The following AGO3 variants were observed in gnomAD, a reference collection of about 807,000 sequenced individuals.
AGO3 encodes the protein argonaute RISC catalytic component 3.
In AGO3, 16 loss-of-function variants were observed where a neutral mutation model predicts 105.5. The ratio of observed to expected loss-of-function variants is 0.15; its 90% CI spans 0.10 to 0.23. The LOEUF is 0.23. AGO3 is among the 10% of genes least tolerant of loss of function. The pLI is 1.00. For synonymous variants in AGO3, 340 were observed against 367.3 expected (o/e 0.93, Z 0.85); for missense variants, 534 against 1,088.0 (o/e 0.49, Z 7.16).
chr1:35,989,126 G>A (rs566233264), intron 5 of AGO3, among the ~76,000 whole-genome samples: 4 of 152,272 alleles, frequency 2.6e-5, no homozygotes, highest in South Asian at 4.1e-4. Context: ...TAAAAGGGAG[G>A]GATCCATTGT....
Position 35,991,696 on chromosome 1 carries a change from T to A in AGO3, c.659-12645T>A, listed in dbSNP as rs557392057. Among the ~76,000 whole-genome samples the A allele has an allele frequency of 6.0e-4, 91 of 152,186 alleles. 1 individual carries two copies. Among genetic ancestry groups the A allele is most frequent in the Admixed American group, 1.0e-3 (16 of 15,278 alleles). On this transcript the variant is annotated intron_variant, in intron 5 of 18. Coordinates refer to ENST00000373191, the MANE Select transcript of AGO3 (RefSeq NM_024852.4). Reference sequence around the variant, plus strand: ...TTTTTAAAATAGCTGTATTGACGTTTAATTTACATACCATAAAATTCACAC... The same window carrying A: ...TTTTTAAAATAGCTGTATTGACGTTAAATTTACATACCATAAAATTCACAC...
intron 2 of AGO3, among the ~76,000 whole-genome samples, chr1:35,952,440 G>A (rs1007361652): frequency 1.3e-5 from 2 of 152,042 alleles, no homozygotes; most frequent in East Asian, 3.8e-4. Flanking sequence ...ACTGCATCCG[G>A]CCGGATATTT....
At position 36,065,336 on chromosome 1, in the gene AGO3, A is replaced by T. The variant is rs980908376; in HGVS notation, c.*9591A>T. 6.6e-6 allele frequency: 1 copy of T among 151,406 alleles called. No homozygotes were observed. Among genetic ancestry groups the T allele is most frequent in the Admixed American group, 6.6e-5 (1 of 15,186 alleles). 9.4% of individuals were successfully genotyped at this position (151,406 alleles called of 1,614,324 possible). ...TTTAAAAGTTGCCTCTGGGCTGGGC[A>T]TGGTGGCTCACGCCTGTAATCCCTG... On this transcript the variant is annotated 3_prime_UTR_variant, in exon 19 of 19. Coordinates refer to ENST00000373191, the MANE Select transcript of AGO3 (RefSeq NM_024852.4).
chr1:35,975,776 A>G (rs190793121), intron 5 of AGO3, among the ~76,000 whole-genome samples: 204 of 152,250 alleles, frequency 1.3e-3, no homozygotes, highest in African/African-American at 4.2e-3. Context: ...TTGAGATCCT[A>G]TTAGATTTAT....
Position 36,008,394 on chromosome 1 carries a change from T to C in AGO3, c.794-296T>C, listed in dbSNP as rs1387509823. 2.0e-5 allele frequency among the ~76,000 whole-genome samples: 3 copies of C among 152,222 alleles called. No individual in the cohort carries two copies. The highest frequency in any genetic ancestry group is 4.4e-5 in the Non-Finnish European group (3 of 68,034). ...TACCTGAATTTATTATAAACAGGATTTTTTATTAATGGAAGATTTTGGCCC... is the reference window on the plus strand; with the variant it reads ...TACCTGAATTTATTATAAACAGGATCTTTTATTAATGGAAGATTTTGGCCC... On this transcript the variant is annotated intron_variant, in intron 6 of 18. Transcript: ENST00000373191. The surrounding 1 kb of genome is among the most constrained non-coding windows in gnomAD (Gnocchi z 5.1).
chr1:36,016,428 T>G (rs992038813), intron 11 of AGO3, among the ~76,000 whole-genome samples: 1 of 152,144 alleles, frequency 6.6e-6, no homozygotes, highest in African/African-American at 2.4e-5. Flanking sequence ...GTGATCTGCC[T>G]GCCTCAGCTT....
At chr1:36,009,669 A>G in intron 9 of AGO3, 75 bp downstream of exon 9, 1 of 1,431,582 alleles carries the variant, frequency 7.0e-7, no homozygotes, top group South Asian at 1.4e-5. Flanking sequence ...CCATGTCCTT[A>G]TCAACCCATA....
rs1642983263 is a variant in AGO3, at chr1:36,058,354, A to C, written c.*2609A>C. The C allele has an allele frequency of 6.6e-6, 1 of 152,180 alleles. No individual in the cohort carries two copies. The allele number at this position is 152,180 out of a possible 1,614,324, so 9.4% of individuals were successfully genotyped here. ...ACACTTTAAGGTATTAAAAAGTACTATAAAGCTATCAAAACTGAGTTTATC... is the reference window on the plus strand; with the variant it reads ...ACACTTTAAGGTATTAAAAAGTACTCTAAAGCTATCAAAACTGAGTTTATC... On this transcript the variant is annotated 3_prime_UTR_variant, in exon 19 of 19. Transcript: ENST00000373191.
chr1:35,980,040 T>C (rs1423439791), intron 5 of AGO3, among the ~76,000 whole-genome samples: 1 of 152,208 alleles, frequency 6.6e-6, no homozygotes, highest in Non-Finnish European at 1.5e-5. Context: ...TTTTCTGTGC[T>C]TTTTAAATGG....
In AGO3 at chr1:36,062,313, C is replaced by A. The variant is rs2148870586; in HGVS notation, c.*6568C>A. The A allele has an allele frequency of 6.6e-6, 1 of 152,168 alleles. No individual in the cohort carries two copies. Among genetic ancestry groups the A allele is most frequent in the South Asian group, 2.1e-4 (1 of 4,826 alleles). 9.4% of individuals were successfully genotyped at this position (152,168 alleles called of 1,614,324 possible). A position where few individuals can be genotyped will look rare whatever the true frequency, so the allele number is the denominator to read the frequency against. ...AAGTAGCTGGGATTACAGGCATGCA[C>A]CACCACACCCGGCCCTAATTAGTCA... On this transcript the variant is annotated 3_prime_UTR_variant, in exon 19 of 19. Coordinates refer to ENST00000373191, the MANE Select transcript of AGO3 (RefSeq NM_024852.4).
At chr1:35,937,917 T>C (rs780731478) in intron 1 of AGO3, among the ~76,000 whole-genome samples, 8 of 151,982 alleles carry the variant, frequency 5.3e-5, no homozygotes, top group Admixed American at 1.3e-4. Flanking sequence ...ATCAGAGACA[T>C]TTCATTAAGT....
chr1:36,023,555 G>A (rs1300464614), intron 11 of AGO3, among the ~76,000 whole-genome samples: 1 of 152,190 alleles, frequency 6.6e-6, no homozygotes, highest in Non-Finnish European at 1.5e-5. Context: ...TACAGAAACA[G>A]CTGGATTGCT....
chr1:35,950,553 G>A (rs1646451962), intron 2 of AGO3, among the ~76,000 whole-genome samples: 1 of 152,112 alleles, frequency 6.6e-6, no homozygotes, highest in Non-Finnish European at 1.5e-5. Flanking sequence ...GTGTTGGGGG[G>A]CCAAGTTGGG....
chr1:36,010,622 A>G (rs1420964714), intron 9 of AGO3, among the ~76,000 whole-genome samples: 1 of 151,184 alleles, frequency 6.6e-6, no homozygotes, highest in Non-Finnish European at 1.5e-5. Flanking sequence ...AAAAAGAAAA[A>G]GAAGGTCGGG....
intron 2 of AGO3, among the ~76,000 whole-genome samples, chr1:35,957,765 A>T (rs536339541): frequency 6.6e-6 from 1 of 151,980 alleles, no homozygotes; most frequent in Non-Finnish European, 1.5e-5. Context: ...TATATTACAA[A>T]TTATTAAAAT....
chr1:36,001,079 T>TA (rs1640061972), intron 5 of AGO3, among the ~76,000 whole-genome samples: 1 of 151,712 alleles, frequency 6.6e-6, no homozygotes, highest in African/African-American at 2.4e-5. Context: ...CCACTAAAAA[T>TA]AAAAAAATTA....
intron 5 of AGO3, among the ~76,000 whole-genome samples, chr1:35,984,986 A>G (rs528852653): frequency 2.8e-4 from 42 of 152,326 alleles, no homozygotes; most frequent in African/African-American, 9.6e-4. Flanking sequence ...CTATAAATAT[A>G]GTTTTAATTA....
intron 1 of AGO3, among the ~76,000 whole-genome samples, chr1:35,932,068 T>C (rs1010537878): frequency 2.6e-5 from 4 of 152,208 alleles, no homozygotes; most frequent in Admixed American, 2.0e-4. Context: ...TTTTTCATTC[T>C]CTATTCCTTA....
intron 1 of AGO3, 24 bp downstream of exon 1, chr1:35,931,469 G>A: frequency 6.7e-7 from 1 of 1,486,044 alleles, no homozygotes; most frequent in Non-Finnish European, 9.0e-7. Flanking sequence ...GCTGGGCCAG[G>A]TAGGGGATGT....
Sources: gnomAD v4.1 joint callset for allele counts (sites outside exome capture counted in the v4.1 genomes callset) on GRCh38, gnomAD v4.1.1 for gene constraint, Gnocchi (gnomAD v3.1) non-coding constraint, MANE v1.5 for transcripts, NCBI Gene and HGNC (gene_info 2026-07-23, HGNC 2026-07-21) for gene names.